TTC6: variants seen among roughly 807,000 people sequenced by gnomAD.
The protein encoded by TTC6 is tetratricopeptide repeat protein 6.
TTC6 carries 172 observed loss-of-function variants against 210.4 expected under a neutral mutation model. That is an observed-to-expected ratio of 0.82 (90% CI 0.72 to 0.93). TTC6 has a LOEUF of 0.93. Among genes scored for constraint, TTC6 ranks in the 40% least tolerant of loss-of-function variants. The pLI is 0.00. For synonymous variants in TTC6, 804 were observed against 819.6 expected, an observed-to-expected ratio of 0.98 and a Z score of 0.32; for missense variants, 2,414 against 2,318.1, an observed-to-expected ratio of 1.04 and a Z score of -0.85.
At chr14:37,612,798 T>C (rs1239620106) in intron 2 of TTC6, among the ~76,000 whole-genome samples, 1 of 152,214 alleles carries the variant, frequency 6.6e-6, no homozygotes, top group African/African-American at 2.4e-5. Flanking sequence ...GCTGCTACTA[T>C]ATAAACATGG....
chr14:37,680,167 GA>G lies in TTC6; in HGVS notation c.961del (p.Met321CysfsTer30), dbSNP rs2095780006. 1 of 1,527,972 alleles carries G rather than the reference GA, an allele frequency of 6.5e-7. No individual in the cohort carries two copies. The highest frequency in any genetic ancestry group is 8.7e-7 in the Non-Finnish European group (1 of 1,143,840). 94.7% of individuals were successfully genotyped at this position (1,527,972 alleles called of 1,614,324 possible). On this transcript the variant is annotated frameshift_variant, in exon 2 of 31. Coordinates refer to ENST00000553443, the Ensembl canonical transcript of TTC6. LOFTEE classifies it high-confidence loss of function. ...TCATTCAAGGATATTTCTTTAATGGGAAAAATGTACCTCAAAACATCACCTA... is the reference window on the plus strand; with the variant it reads ...TCATTCAAGGATATTTCTTTAATGGGAAAATGTACCTCAAAACATCACCTA...
At chr14:37,678,227 A>G (rs2095774620) in intron 1 of TTC6, among the ~76,000 whole-genome samples, 2 of 152,222 alleles carry the variant, frequency 1.3e-5, no homozygotes, top group East Asian at 1.9e-4. Context: ...GTCCACAGAA[A>G]CCTTTACTCA....
intron 14 of TTC6, among the ~76,000 whole-genome samples, chr14:37,769,672 A>G (rs1383021552): frequency 2.0e-5 from 3 of 150,092 alleles, no homozygotes; most frequent in African/African-American, 2.4e-5. Context: ...TTTTTATTGC[A>G]TCTATTTGAT....
At chr14:37,770,611 G>C (rs1348701465) in intron 14 of TTC6, among the ~76,000 whole-genome samples, 1 of 151,936 alleles carries the variant, frequency 6.6e-6, no homozygotes, top group Non-Finnish European at 1.5e-5. Context: ...TTTTATCAGA[G>C]ACTAGGATTG....
chr14:37,650,577 T>C (rs1199092639), intron 1 of TTC6, among the ~76,000 whole-genome samples: 1 of 152,206 alleles, frequency 6.6e-6, no homozygotes, highest in Admixed American at 6.5e-5. Context: ...GAGCTTCCTC[T>C]GCACTGGCCT....
intron 24 of TTC6, among the ~76,000 whole-genome samples, chr14:37,809,279 G>A (rs1278241812): frequency 3.3e-5 from 4 of 120,370 alleles, no homozygotes; most frequent in African/African-American, 1.3e-4. Flanking sequence ...TTGAGACGGA[G>A]ACTCACTCTG....
At chr14:37,641,441 C>G (rs1200314184) in intron 1 of TTC6, among the ~76,000 whole-genome samples, 2 of 152,186 alleles carry the variant, frequency 1.3e-5, no homozygotes, top group Non-Finnish European at 2.9e-5. Context: ...CAAATGAAAA[C>G]AGTCTAACAG....
In TTC6 at chr14:37,693,979, A is replaced by AAAAC. The variant is rs57428441; in HGVS notation, c.1258-2704_1258-2701dup. On this transcript the variant is annotated intron_variant, in intron 3 of 30. Coordinates refer to ENST00000553443, the Ensembl canonical transcript of TTC6. ...GACCTCAAACTATAAAACTACCACA[A>AAAAC]AAACAAACAAACAAACAAACAAACA... Among the ~76,000 whole-genome samples the AAAAC allele has an allele frequency of 7.3e-3, 1,101 of 150,482 alleles. 8 individuals carry two copies. Among genetic ancestry groups the AAAAC allele is most frequent in the African/African-American group, 0.02 (814 of 40,880 alleles).
Position 37,599,461 on chromosome 14 carries a change from A to G in TTC6, c.-235+3453A>G, listed in dbSNP as rs566460952. 3.5e-3 allele frequency among the ~76,000 whole-genome samples: 527 copies of G among 152,288 alleles called. 1 individual carries two copies. The highest frequency in any genetic ancestry group is 5.6e-3 in the Admixed American group (85 of 15,300). ...CTTTGTGTGTAAAAGCAACGCATAA[A>G]CATACCCAGGGCTTTCACTTATTTT... On this transcript the variant is annotated intron_variant, in intron 1 of 2. Transcript: ENST00000556845.
At chr14:37,618,258 T>C (rs534848947), upstream of TTC6, among the ~76,000 whole-genome samples, 84 of 152,328 alleles carry the variant, frequency 5.5e-4, 1 homozygote, top group South Asian at 0.015. Context: ...TGGAGAACTT[T>C]CTTCTGATGG....
At chr14:37,696,068 A>G (rs1016693865) in intron 3 of TTC6, among the ~76,000 whole-genome samples, 1 of 152,182 alleles carries the variant, frequency 6.6e-6, no homozygotes, top group African/African-American at 2.4e-5. Flanking sequence ...ATTCTTCATT[A>G]CTTCATCACC....
intron 1 of TTC6, among the ~76,000 whole-genome samples, chr14:37,679,625 A>G (rs1201614174): frequency 6.6e-6 from 1 of 152,142 alleles, no homozygotes. Context: ...TGTTAAATCT[A>G]AAAATATATT....
chr14:37,680,611 T>C (rs1039689162), intron 2 of TTC6, among the ~76,000 whole-genome samples: 5 of 152,182 alleles, frequency 3.3e-5, no homozygotes, highest in African/African-American at 1.2e-4. Context: ...GCTAGAAGAA[T>C]TGTTAAAAGC....
At chr14:37,606,215 GGATC>G (rs1473854168) in intron 1 of TTC6, among the ~76,000 whole-genome samples, 3 of 152,086 alleles carry the variant, frequency 2.0e-5, no homozygotes, top group Non-Finnish European at 4.4e-5. Context: ...TCATTTCTGT[GGATC>G]AATGGCAGTA....
At chr14:37,742,655 C>T (rs1435365012) in intron 10 of TTC6, among the ~76,000 whole-genome samples, 2 of 151,558 alleles carry the variant, frequency 1.3e-5, no homozygotes, top group African/African-American at 4.8e-5. Context: ...TGGTCTCAAG[C>T]AATCCACCCA....
chr14:37,831,140 G>GT (rs566523284), intron 29 of TTC6, among the ~76,000 whole-genome samples: 46 of 151,640 alleles, frequency 3.0e-4, no homozygotes, highest in African/African-American at 9.7e-4. Context: ...AGACAAAGTT[G>GT]TTTTTTTTAA....
At chr14:37,744,937 G>C (rs1046590488) in intron 10 of TTC6, among the ~76,000 whole-genome samples, 11 of 152,054 alleles carry the variant, frequency 7.2e-5, no homozygotes, top group African/African-American at 2.4e-4. Context: ...AAAGTGGTTA[G>C]ATTCTAGATA....
chr14:37,657,159 T>C (rs177873), intron 1 of TTC6, among the ~76,000 whole-genome samples: 55,568 of 142,018 alleles, frequency 0.39, 10,659 homozygotes, highest in Middle Eastern at 0.45. Context: ...TTGCAGTGAG[T>C]CGCGATTGCG....
At chr14:37,658,805 A>G (rs2095730519) in intron 1 of TTC6, among the ~76,000 whole-genome samples, 1 of 152,188 alleles carries the variant, frequency 6.6e-6, no homozygotes, top group African/African-American at 2.4e-5. Context: ...AGGGGTGCGT[A>G]TGCAGGTTCA....
Sources: gnomAD v4.1 joint callset for allele counts (sites outside exome capture counted in the v4.1 genomes callset) on GRCh38, gnomAD v4.1.1 for gene constraint, MANE v1.5 for transcripts, NCBI Gene and HGNC (gene_info 2026-07-23, HGNC 2026-07-21) for gene names.